The following WWC2 variants were observed in gnomAD, a reference collection of about 807,000 sequenced individuals.
The protein encoded by WWC2 is protein WWC2.
In WWC2, 101 loss-of-function variants were observed where a neutral mutation model predicts 138.5. That is an observed-to-expected ratio of 0.73 (90% confidence interval 0.62 to 0.86). The LOEUF is 0.86. Ranked by LOEUF, WWC2 falls within the 40% of genes least tolerant of loss-of-function variation. WWC2 has a pLI of 0.00. For missense variants in WWC2, 1,420 were observed against 1,419.4 expected (o/e 1.00, Z -0.01); for synonymous variants, 558 against 538.4 (o/e 1.04, Z -0.50).
chr4:183,271,557 A>G (rs1737696274), intron 16 of WWC2, among the ~76,000 whole-genome samples: 1 of 152,212 alleles, frequency 6.6e-6, no homozygotes, highest in Non-Finnish European at 1.5e-5. Flanking sequence ...ATTTAAATAT[A>G]TACTTTTCAT....
Position 183,265,127 on chromosome 4 carries a change from G to T in WWC2, c.2039+20G>T. On this transcript the variant is annotated intron_variant, in intron 12 of 22. Transcript: ENST00000403733. ...GAAACAGTAAGGATTCAGCAGGGGC[G>T]CTTTTAGCTCCAGCGAATCTCCATC... 6.3e-7 allele frequency: 1 copy of T among 1,588,164 alleles called. No homozygotes were observed.
At chr4:183,196,662 A>C (rs576551519) in intron 2 of WWC2, among the ~76,000 whole-genome samples, 14 of 152,188 alleles carry the variant, frequency 9.2e-5, no homozygotes, top group Admixed American at 8.5e-4. Context: ...CTGGCACTGG[A>C]GGCCTTTAGG....
At chr4:183,224,804 G>C (rs952073445) in intron 4 of WWC2, among the ~76,000 whole-genome samples, 23 of 152,112 alleles carry the variant, frequency 1.5e-4, no homozygotes, top group Non-Finnish European at 2.9e-5. Context: ...CAAGTGATCT[G>C]CCTGCCTCAG....
At chr4:183,131,057 C>T (rs1459005199) in intron 1 of WWC2, among the ~76,000 whole-genome samples, 2 of 151,932 alleles carry the variant, frequency 1.3e-5, no homozygotes, top group African/African-American at 4.8e-5. Flanking sequence ...ATAAAAAATC[C>T]GGAGGTAGAC....
Position 183,249,925 on chromosome 4 carries a change from A to G in WWC2, c.885A>G (p.Gly295=). ...CCTTTTTCTTTTTCCACTAGATTGGAGTAAGAAGTAGATCAAATTTAGCTG... is the reference window on the plus strand; with the variant it reads ...CCTTTTTCTTTTTCCACTAGATTGGGGTAAGAAGTAGATCAAATTTAGCTG... The part of the protein sequence containing the change: ...GSQTSISGDI[G]VRSRSNLAEK... The change falls in exon 8 of 23, where the codon GGA becomes GGG. Residue 295 remains glycine, a synonymous_variant. Transcript: ENST00000403733. 1 of 1,613,336 alleles carries G rather than the reference A, an allele frequency of 6.2e-7. No homozygotes were observed. Among genetic ancestry groups the G allele is most frequent in the South Asian group, 1.1e-5 (1 of 90,866 alleles).
intron 4 of WWC2, among the ~76,000 whole-genome samples, chr4:183,238,378 C>G (rs879393231): frequency 6.6e-6 from 1 of 152,188 alleles, no homozygotes; most frequent in African/African-American, 2.4e-5. Context: ...AATGGACCCT[C>G]GTGGCACTTC....
Position 183,289,486 on chromosome 4 carries a change from C to A in WWC2, c.3235C>A (p.Arg1079=). ...ACTGGACCTTCAGGCATCTCTGACCCGGCAGAGCCGCCTCAATGATGAGCT... is the reference window on the plus strand; with the variant it reads ...ACTGGACCTTCAGGCATCTCTGACCAGGCAGAGCCGCCTCAATGATGAGCT... ...LELDLQASLT[R]QSRLNDELQA... is the part of the protein sequence containing the mutation. The change falls in exon 21 of 23, where the codon CGG becomes AGG. Residue 1079 remains arginine (R), a synonymous_variant. Transcript: ENST00000403733. The A allele has an allele frequency of 6.2e-7, 1 of 1,613,646 alleles. No homozygotes were observed. Among genetic ancestry groups the A allele is most frequent in the East Asian group, 2.2e-5 (1 of 44,842 alleles).
At chr4:183,103,377 A>G (rs529595198) in intron 1 of WWC2, among the ~76,000 whole-genome samples, 468 of 137,338 alleles carry the variant, frequency 3.4e-3, no homozygotes, top group Non-Finnish European at 5.2e-3. Context: ...TCTGTTGCCC[A>G]AGTTGGAGAG....
At chr4:183,257,033 T>C (rs1368662146) in intron 9 of WWC2, among the ~76,000 whole-genome samples, 1 of 151,988 alleles carries the variant, frequency 6.6e-6, no homozygotes, top group Non-Finnish European at 1.5e-5. Flanking sequence ...GAGAAATTGC[T>C]CGCAAATGAA....
intron 2 of WWC2, among the ~76,000 whole-genome samples, chr4:183,202,637 T>A (rs2111228934): frequency 6.6e-6 from 1 of 152,276 alleles, no homozygotes; most frequent in Admixed American, 6.5e-5. Flanking sequence ...GTTACAAGTC[T>A]CTTTTTTCTC....
intron 4 of WWC2, among the ~76,000 whole-genome samples, chr4:183,237,780 A>G (rs1171011994): frequency 6.6e-6 from 1 of 152,178 alleles, no homozygotes; most frequent in African/African-American, 2.4e-5. Flanking sequence ...AAACATGAGT[A>G]TTACACCGCT....
chr4:183,297,342 A>G (rs933958955), intron 21 of WWC2, among the ~76,000 whole-genome samples: 2 of 152,098 alleles, frequency 1.3e-5, no homozygotes, highest in Non-Finnish European at 2.9e-5. Flanking sequence ...TTTGCATACC[A>G]AGATAATGAG....
chr4:183,297,098 C>T (rs981664565), intron 21 of WWC2, among the ~76,000 whole-genome samples: 20 of 152,062 alleles, frequency 1.3e-4, no homozygotes, highest in East Asian at 1.9e-4. Flanking sequence ...CCTCAGTTTC[C>T]TGAGTAGCTG....
At chr4:183,214,176 A>G (rs1219900842) in intron 4 of WWC2, among the ~76,000 whole-genome samples, 1 of 152,198 alleles carries the variant, frequency 6.6e-6, no homozygotes, top group African/African-American at 2.4e-5. Flanking sequence ...TGGTTAAACT[A>G]TTTGCACCGC....
At chr4:183,274,590 T>A (rs1220343958) in intron 16 of WWC2, among the ~76,000 whole-genome samples, 1 of 152,162 alleles carries the variant, frequency 6.6e-6, no homozygotes, top group African/African-American at 2.4e-5. Context: ...TTTGTTAAAC[T>A]TATTTCTAAG....
chr4:183,280,832 A>G lies in WWC2; in HGVS notation c.2619A>G (p.Gln873=), dbSNP rs1354111436. ...RTSAELLAVE[Q]ELAQEEEEES... is the part of the protein sequence containing the mutation. ...CAGCTGAGTTGTTAGCTGTGGAACA[A>G]GAATTAGCACAAGAAGAAGAAGAAG... Residue 873 remains glutamine (Q), a synonymous_variant, in exon 17 of 23, where the codon CAA becomes CAG. Transcript: ENST00000403733. 9 of 1,599,648 alleles carry G rather than the reference A, an allele frequency of 5.6e-6. No individual in the cohort carries two copies. Among genetic ancestry groups the G allele is most frequent in the Non-Finnish European group, 6.8e-6 (8 of 1,172,890 alleles).
chr4:183,126,338 G>C (rs573447573), intron 1 of WWC2, among the ~76,000 whole-genome samples: 12 of 152,210 alleles, frequency 7.9e-5, no homozygotes, highest in Non-Finnish European at 1.3e-4. Context: ...CTGAGAGCTT[G>C]TTGCTAAAGC....
chr4:183,213,929 A>G (rs1168957721), intron 4 of WWC2, among the ~76,000 whole-genome samples: 1 of 152,116 alleles, frequency 6.6e-6, no homozygotes, highest in South Asian at 2.1e-4. Context: ...TGCCGTTAAA[A>G]AAAAAAAAAC....
intron 1 of WWC2, among the ~76,000 whole-genome samples, chr4:183,183,007 G>A (rs1187237222): frequency 6.6e-6 from 1 of 152,096 alleles, no homozygotes; most frequent in Non-Finnish European, 1.5e-5. Context: ...TAGGCATTAG[G>A]CATTGTGCTA....
Sources: gnomAD v4.1 joint callset for allele counts (sites outside exome capture counted in the v4.1 genomes callset) on GRCh38, gnomAD v4.1.1 for gene constraint, MANE v1.5 for transcripts, NCBI Gene and HGNC (gene_info 2026-07-23, HGNC 2026-07-21) for gene names.